Variants in KIAA1549L observed in about 807,000 individuals in gnomAD.
KIAA1549L encodes the protein UPF0606 protein KIAA1549L.
In KIAA1549L, 88 loss-of-function variants were observed where a neutral mutation model predicts 160.7. The observed-to-expected ratio is 0.55, with a 90% CI of 0.46 to 0.65. KIAA1549L has a LOEUF of 0.65. Among genes scored for constraint, KIAA1549L ranks in the 30% least tolerant of loss-of-function variants. The pLI, the probability that KIAA1549L is intolerant of heterozygous loss-of-function variation, is 0.00. For synonymous variants in KIAA1549L, 950 were observed against 976.7 expected (o/e 0.97, Z 0.51); for missense variants, 2,258 against 2,437.5 (o/e 0.93, Z 1.55).
chr11:33,460,230 G>A (rs1432063403), intron 1 of KIAA1549L, among the ~76,000 whole-genome samples: 7 of 152,154 alleles, frequency 4.6e-5, no homozygotes, highest in Non-Finnish European at 8.8e-5. Flanking sequence ...GGCTTCACTG[G>A]AATGGAAGTA....
rs976057830 is a variant in KIAA1549L at position 33,670,836 on chromosome 11, C to T, written c.*2682C>T. On this transcript the variant is annotated 3_prime_UTR_variant, in exon 21 of 21. Transcript: ENST00000658780. ...GAAGCCACAAAAGGACCTTGGTTGACCTTGGAGGAGGAAGCAGAAGTACCA... is the reference window on the plus strand; with the variant it reads ...GAAGCCACAAAAGGACCTTGGTTGATCTTGGAGGAGGAAGCAGAAGTACCA... 2 of 152,262 alleles carry T rather than the reference C, an allele frequency of 1.3e-5. No homozygotes were observed. The highest frequency in any genetic ancestry group is 2.4e-5 in the African/African-American group (1 of 41,440). 9.4% of individuals were successfully genotyped at this position (152,262 alleles called of 1,614,324 possible). A position where few individuals can be genotyped will look rare whatever the true frequency, so the allele number is the denominator to read the frequency against.
chr11:33,491,624 C>G (rs989593099), intron 1 of KIAA1549L, among the ~76,000 whole-genome samples: 4 of 152,168 alleles, frequency 2.6e-5, no homozygotes, highest in African/African-American at 7.2e-5. Flanking sequence ...AAACATCCTT[C>G]CCAACAAATC....
At chr11:33,450,897 C>T (rs1851708325) in intron 1 of KIAA1549L, 1 of 152,424 alleles carries the variant, frequency 6.6e-6, no homozygotes, top group African/African-American at 2.4e-5. Context: ...CTCAGTCTTA[C>T]TGATGGTGTA....
intron 1 of KIAA1549L, among the ~76,000 whole-genome samples, chr11:33,514,781 A>G (rs1225262805): frequency 2.6e-5 from 4 of 152,218 alleles, no homozygotes; most frequent in Non-Finnish European, 5.9e-5. Context: ...CCATGTTTTC[A>G]GGATTTTGCA....
chr11:33,530,223 T>A (rs1230983522), intron 1 of KIAA1549L, among the ~76,000 whole-genome samples: 2 of 125,342 alleles, frequency 1.6e-5, no homozygotes, highest in Non-Finnish European at 3.3e-5. Flanking sequence ...TGAAACCCCA[T>A]CTCTACTAAA....
intron 11 of KIAA1549L, 133 bp downstream of exon 11, chr11:33,583,634 TC>T: frequency 1.3e-6 from 1 of 798,676 alleles, no homozygotes; most frequent in Non-Finnish European, 1.9e-6. Flanking sequence ...TTGAAGGAGA[TC>T]CTTCCTTTTA....
intron 1 of KIAA1549L, among the ~76,000 whole-genome samples, chr11:33,495,198 C>T (rs1198751775): frequency 6.6e-6 from 1 of 151,892 alleles, no homozygotes; most frequent in Non-Finnish European, 1.5e-5. Context: ...CATATGTATA[C>T]ATGTGCCATG....
At chr11:33,508,914 G>A (rs1337896197) in intron 1 of KIAA1549L, among the ~76,000 whole-genome samples, 1 of 152,184 alleles carries the variant, frequency 6.6e-6, no homozygotes, top group East Asian at 1.9e-4. Context: ...AAATGAGACG[G>A]CTGGGGCATA....
intron 1 of KIAA1549L, among the ~76,000 whole-genome samples, chr11:33,532,741 T>C (rs1027390112): frequency 1.5e-4 from 23 of 152,246 alleles, no homozygotes; most frequent in African/African-American, 2.7e-4. Flanking sequence ...GTTAAAGAGC[T>C]ATTAGTGATC....
At chr11:33,569,076 C>T (rs1173030193) in intron 9 of KIAA1549L, among the ~76,000 whole-genome samples, 2 of 152,142 alleles carry the variant, frequency 1.3e-5, no homozygotes, top group Non-Finnish European at 2.9e-5. Context: ...ACCTCCTCAC[C>T]CTCCTGCCAG....
At chr11:33,459,037 A>C (rs1020080883) in intron 1 of KIAA1549L, among the ~76,000 whole-genome samples, 1 of 152,206 alleles carries the variant, frequency 6.6e-6, no homozygotes, top group African/African-American at 2.4e-5. Context: ...TTATAATCCT[A>C]AATCTCCCAG....
chr11:33,531,765 G>T lies in KIAA1549L; in HGVS notation c.239-10037G>T, dbSNP rs190927143. 5.9e-5 allele frequency among the ~76,000 whole-genome samples: 9 copies of T among 152,312 alleles called. 1 individual carries two copies. Among genetic ancestry groups the T allele is most frequent in the South Asian group, 2.1e-4 (1 of 4,822 alleles). On this transcript the variant is annotated intron_variant, in intron 1 of 20. Coordinates refer to ENST00000658780, the MANE Select transcript of KIAA1549L (RefSeq NM_012194.3). ...GTGCCAAACTTCAGCACTTAGGGCCGTGGAAGGGTTTGGCGCCTAAGTGGG... is the reference window on the plus strand; with the variant it reads ...GTGCCAAACTTCAGCACTTAGGGCCTTGGAAGGGTTTGGCGCCTAAGTGGG...
intron 12 of KIAA1549L, among the ~76,000 whole-genome samples, chr11:33,594,740 A>G (rs531505914): frequency 1.6e-4 from 25 of 152,358 alleles, no homozygotes; most frequent in Admixed American, 1.6e-3. Context: ...ATTAGGACCA[A>G]GAGATGTACA....
At chr11:33,595,746 G>A (rs1289353793) in intron 12 of KIAA1549L, among the ~76,000 whole-genome samples, 3 of 152,112 alleles carry the variant, frequency 2.0e-5, no homozygotes, top group African/African-American at 4.8e-5. Flanking sequence ...TCTCATTCCT[G>A]CTAGATAAAG....
chr11:33,575,368 G>A (rs1189172884), intron 10 of KIAA1549L, among the ~76,000 whole-genome samples: 1 of 152,242 alleles, frequency 6.6e-6, no homozygotes, highest in African/African-American at 2.4e-5. Context: ...TCAGCAGAGG[G>A]AGGGTTTGCT....
At chr11:33,463,935 G>A (rs1330525066) in intron 1 of KIAA1549L, among the ~76,000 whole-genome samples, 1 of 152,180 alleles carries the variant, frequency 6.6e-6, no homozygotes, top group Non-Finnish European at 1.5e-5. Context: ...GGAGCACCCT[G>A]CTGGTACCAG....
chr11:33,536,105 C>T (rs756185045), intron 1 of KIAA1549L, among the ~76,000 whole-genome samples: 8 of 152,174 alleles, frequency 5.3e-5, no homozygotes, highest in Admixed American at 3.9e-4. Context: ...TTTTGAGAAT[C>T]TGATTAAAGC....
At position 33,669,853 on chromosome 11, in the gene KIAA1549L, C is replaced by T. The variant is rs1428872719; in HGVS notation, c.*1699C>T. On this transcript the variant is annotated 3_prime_UTR_variant, in exon 21 of 21. Coordinates refer to ENST00000658780, the MANE Select transcript of KIAA1549L (RefSeq NM_012194.3). ...TTGTTCGGATGATAATAGGTAGTGTCCTTTTAGTATGCTGGTTGATCTTTC... is the reference window on the plus strand; with the variant it reads ...TTGTTCGGATGATAATAGGTAGTGTTCTTTTAGTATGCTGGTTGATCTTTC... 1 of 152,146 alleles carries T rather than the reference C, an allele frequency of 6.6e-6. No homozygotes were observed. Among genetic ancestry groups the T allele is most frequent in the Non-Finnish European group, 1.5e-5 (1 of 68,024 alleles). 9.4% of individuals were successfully genotyped at this position (152,146 alleles called of 1,614,324 possible).
intron 12 of KIAA1549L, among the ~76,000 whole-genome samples, chr11:33,596,670 C>T (rs190873552): frequency 3.9e-4 from 60 of 152,290 alleles, no homozygotes; most frequent in Middle Eastern, 3.4e-3. Flanking sequence ...ACTCGGGAAA[C>T]GGAGGTTGCA....
Sources: allele counts gnomAD v4.1 joint callset (sites outside exome capture counted in the v4.1 genomes callset), GRCh38; gene constraint gnomAD v4.1.1; transcripts MANE v1.5; gene names NCBI Gene and HGNC (gene_info 2026-07-23, HGNC 2026-07-21).